The following LUZP2 variants were observed in gnomAD, a reference collection of about 807,000 sequenced individuals.
The protein encoded by LUZP2 is leucine zipper protein 2.
A neutral mutation model predicts 51.6 loss-of-function variants in LUZP2; 52 were observed. That is an observed-to-expected ratio of 1.01 (90% CI 0.81 to 1.27). LUZP2 has a LOEUF of 1.27. Ranked by LOEUF, LUZP2 falls within the 50% of genes most tolerant of loss-of-function variation. The pLI is 0.00. For missense variants in LUZP2, 436 were observed against 395.4 expected (o/e 1.10, Z -0.87); for synonymous variants, 154 against 137.3 (o/e 1.12, Z -0.85).
chr11:24,956,963 A>G (rs529488350), intron 7 of LUZP2, among the ~76,000 whole-genome samples: 1 of 152,178 alleles, frequency 6.6e-6, no homozygotes, highest in African/African-American at 2.4e-5. Context: ...TTTTTGCTAA[A>G]GTAATATTCC....
chr11:25,012,022 C>A (rs1024983408), intron 9 of LUZP2, among the ~76,000 whole-genome samples: 1 of 152,020 alleles, frequency 6.6e-6, no homozygotes. Context: ...CATTCCCTAC[C>A]CTTTTCTAAC....
intron 5 of LUZP2, among the ~76,000 whole-genome samples, chr11:24,848,455 C>T (rs1251852509): frequency 1.3e-5 from 2 of 152,156 alleles, no homozygotes; most frequent in Non-Finnish European, 2.9e-5. Context: ...CTTCAGCTCC[C>T]ACCCTTCCAC....
At chr11:24,773,738 G>A (rs1323691673) in intron 5 of LUZP2, among the ~76,000 whole-genome samples, 1 of 152,068 alleles carries the variant, frequency 6.6e-6, no homozygotes, top group Non-Finnish European at 1.5e-5. Context: ...CTCCACCTAG[G>A]AGTATGTTCT....
chr11:24,752,491 A>G (rs10834475), intron 4 of LUZP2, among the ~76,000 whole-genome samples: 40,699 of 152,088 alleles, frequency 0.27, 5,801 homozygotes, highest in East Asian at 0.44. Flanking sequence ...TGCAAGTGAT[A>G]TGAGGATTAA....
chr11:24,958,000 T>C (rs1855260980), intron 7 of LUZP2, among the ~76,000 whole-genome samples: 2 of 151,978 alleles, frequency 1.3e-5, no homozygotes, highest in South Asian at 4.1e-4. Context: ...GAATATGCGA[T>C]GTTTGGTTTT....
Position 24,611,634 on chromosome 11 carries a change from T to A in LUZP2, c.62+114329T>A, listed in dbSNP as rs1367153579. Among the ~76,000 whole-genome samples the A allele has an allele frequency of 6.6e-6, 1 of 152,124 alleles. No individual in the cohort carries two copies. Among genetic ancestry groups the A allele is most frequent in the Non-Finnish European group, 1.5e-5 (1 of 68,024 alleles). On this transcript the variant is annotated intron_variant, in intron 1 of 11. Transcript: ENST00000336930. The surrounding 1 kb of genome is among the most constrained non-coding windows in gnomAD (Gnocchi z 4.6). ...ATGGAGATGGTTTTCTTCATCATAA[T>A]CATTCATCGTCATCATCATCATCAT...
chr11:24,601,850 A>G (rs75000438), intron 1 of LUZP2, among the ~76,000 whole-genome samples: 11,629 of 77,476 alleles, frequency 0.15, 648 homozygotes, highest in Non-Finnish European at 0.22. Context: ...ATAAACAGGT[A>G]TATATATATA....
At chr11:24,608,330 A>G (rs1299617443) in intron 1 of LUZP2, among the ~76,000 whole-genome samples, 1 of 152,238 alleles carries the variant, frequency 6.6e-6, no homozygotes, top group Non-Finnish European at 1.5e-5. Flanking sequence ...GTCATCAGAC[A>G]CTATACAATT....
intron 1 of LUZP2, among the ~76,000 whole-genome samples, chr11:24,706,499 G>A (rs904933084): frequency 6.6e-6 from 1 of 152,038 alleles, no homozygotes; most frequent in Non-Finnish European, 1.5e-5. Flanking sequence ...ACCAAATTCT[G>A]CATTCTGCCC....
chr11:24,658,980 A>G (rs574046833), intron 1 of LUZP2, among the ~76,000 whole-genome samples: 7 of 152,164 alleles, frequency 4.6e-5, no homozygotes, highest in African/African-American at 1.7e-4. Flanking sequence ...GTGGGACTGT[A>G]AACTAGTTCA....
chr11:24,855,687 G>A (rs950184882), intron 5 of LUZP2, among the ~76,000 whole-genome samples: 1 of 152,096 alleles, frequency 6.6e-6, no homozygotes, highest in African/African-American at 2.4e-5. Context: ...AGAACAAAGT[G>A]GAAGGCATCG....
chr11:25,004,392 G>C (rs186695195), intron 9 of LUZP2, among the ~76,000 whole-genome samples: 6 of 152,104 alleles, frequency 3.9e-5, no homozygotes, highest in African/African-American at 1.4e-4. Context: ...CTATGACAAA[G>C]GCTGCAGCCT....
At chr11:24,567,738 G>C (rs1852290653) in intron 1 of LUZP2, among the ~76,000 whole-genome samples, 1 of 151,924 alleles carries the variant, frequency 6.6e-6, no homozygotes, top group African/African-American at 2.4e-5. Context: ...GTTCAACAAA[G>C]CTTCATTTCC....
At chr11:24,780,658 G>T (rs1383284004) in intron 5 of LUZP2, among the ~76,000 whole-genome samples, 1 of 152,060 alleles carries the variant, frequency 6.6e-6, no homozygotes, top group Non-Finnish European at 1.5e-5. Flanking sequence ...ATACCAGACA[G>T]GGCCAGACTC....
intron 9 of LUZP2, among the ~76,000 whole-genome samples, chr11:25,003,600 G>A (rs1416508814): frequency 1.3e-5 from 2 of 152,136 alleles, no homozygotes; most frequent in African/African-American, 4.8e-5. Context: ...TAAACCTTGA[G>A]CTTTTAAACG....
At chr11:24,866,042 C>T (rs1486837632) in intron 5 of LUZP2, among the ~76,000 whole-genome samples, 7 of 151,400 alleles carry the variant, frequency 4.6e-5, no homozygotes, top group Non-Finnish European at 8.8e-5. Context: ...CTCTTGACCT[C>T]GAGTGATCCG....
intron 1 of LUZP2, among the ~76,000 whole-genome samples, chr11:24,633,781 A>G (rs1854973866): frequency 6.6e-6 from 1 of 151,984 alleles, no homozygotes; most frequent in Admixed American, 6.6e-5. Context: ...ATAGGATTAT[A>G]TAGCAACTGC....
At chr11:24,922,245 C>T (rs1429221058) in intron 7 of LUZP2, among the ~76,000 whole-genome samples, 1 of 152,014 alleles carries the variant, frequency 6.6e-6, no homozygotes, top group African/African-American at 2.4e-5. Context: ...ATTCAGACAC[C>T]ACAGTGGCAT....
At chr11:24,739,833 C>G (rs1002404209) in intron 4 of LUZP2, among the ~76,000 whole-genome samples, 1 of 152,116 alleles carries the variant, frequency 6.6e-6, no homozygotes, top group East Asian at 1.9e-4. Context: ...TCACTGTTAT[C>G]TGTTCTGTTC....
Sources: gnomAD v4.1 joint callset for allele counts (sites outside exome capture counted in the v4.1 genomes callset) on GRCh38, gnomAD v4.1.1 for gene constraint, Gnocchi (gnomAD v3.1) non-coding constraint, MANE v1.5 for transcripts, NCBI Gene and HGNC (gene_info 2026-07-23, HGNC 2026-07-21) for gene names.